CARM1: variants seen among roughly 807,000 people sequenced by gnomAD.
CARM1 encodes histone-arginine methyltransferase CARM1.
Under a neutral mutation model 72.7 loss-of-function variants are expected in CARM1, and 14 were observed. That is an observed-to-expected ratio of 0.19 (90% CI 0.13 to 0.30). CARM1 has a LOEUF of 0.30. CARM1 is among the 10% of genes least tolerant of loss of function. The probability of loss-of-function intolerance (pLI) is 1.00; values close to 1 mark genes in which losing one functional copy is unlikely to be tolerated. For missense variants in CARM1, 432 were observed against 833.7 expected (o/e 0.52, Z 5.93); for synonymous variants, 333 against 345.5 (o/e 0.96, Z 0.40).
In CARM1 at chr19:10,916,950, C is replaced by A. The variant is rs2304088; in HGVS notation, c.1020+173C>A. Among the ~76,000 whole-genome samples, 43,764 of 151,962 alleles carry A rather than the reference C, an allele frequency of 0.29. 6,485 individuals are homozygous for A. Among genetic ancestry groups the A allele is most frequent in the East Asian group, 0.54 (2,802 of 5,178 alleles). Reference sequence around the variant, plus strand: ...GCATGTAGACACTTAGCACACAGCACACATGCAATACATGTGGAACATTAT... The same window carrying A: ...GCATGTAGACACTTAGCACACAGCAAACATGCAATACATGTGGAACATTAT... On this transcript the variant is annotated intron_variant, in intron 8 of 15. Transcript: ENST00000327064. This position sits in a 1 kb window ranked among gnomAD's most constrained non-coding sequence, Gnocchi z 4.4.
chr19:10,914,111 GAGCCA>G (rs1167273751), intron 6 of CARM1, 57 bp downstream of exon 6: 7 of 1,502,774 alleles, frequency 4.7e-6, no homozygotes, highest in Non-Finnish European at 6.3e-6. Flanking sequence ...GGCTGCCGCT[GAGCCA>G]GGCCATCAGT....
At chr19:10,883,756 G>C (rs1054962580) in intron 1 of CARM1, among the ~76,000 whole-genome samples, 3 of 152,164 alleles carry the variant, frequency 2.0e-5, no homozygotes, top group African/African-American at 7.2e-5. Context: ...GGTGGCTCAC[G>C]CCTGTAATCC....
chr19:10,921,473 G>A (rs759159381), intron 15 of CARM1, 30 bp downstream of exon 15: 1 of 1,590,846 alleles, frequency 6.3e-7, no homozygotes, highest in Non-Finnish European at 8.6e-7. Flanking sequence ...CAGGGCCCGT[G>A]GGGGCCGAGC....
intron 1 of CARM1, among the ~76,000 whole-genome samples, chr19:10,882,832 C>A (rs776180786): frequency 6.6e-6 from 1 of 152,072 alleles, no homozygotes; most frequent in African/African-American, 2.4e-5. Context: ...CATGAGCCAC[C>A]GTGCCCGACC....
intron 2 of CARM1, among the ~76,000 whole-genome samples, chr19:10,906,861 CTTTATTTTATTTTAT>C (rs58330229): frequency 0.017 from 1,915 of 114,896 alleles, 48 homozygotes; most frequent in African/African-American, 0.053. Flanking sequence ...ATAAATATAG[CTTTATTTTATTTTAT>C]TTTATTTTAT....
chr19:10,916,790 TC>T lies in CARM1; in HGVS notation c.1020+15del. ...GCAGCCTGTGGTGGTGAGTAGGGCC[TC>T]CAGGGTACTGCTGCAGTGATCACTT... On this transcript the variant is annotated intron_variant, in intron 8 of 15. Coordinates refer to ENST00000327064, the MANE Select transcript of CARM1 (RefSeq NM_199141.2). The surrounding 1 kb of genome is among the most constrained non-coding windows in gnomAD (Gnocchi z 4.4). The T allele has an allele frequency of 6.5e-7, 1 of 1,533,398 alleles. No homozygotes were observed. Among genetic ancestry groups the T allele is most frequent in the Non-Finnish European group, 8.8e-7 (1 of 1,131,334 alleles). 95.0% of individuals were successfully genotyped at this position (1,533,398 alleles called of 1,614,324 possible).
At position 10,915,181 on chromosome 19, in the gene CARM1, G is replaced by C. The variant is rs1007235591; in HGVS notation, c.847+1127G>C. Among the ~76,000 whole-genome samples, 7 of 152,164 alleles carry C rather than the reference G, an allele frequency of 4.6e-5. No individual in the cohort carries two copies. The highest frequency in any genetic ancestry group is 1.3e-4 in the Admixed American group (2 of 15,270). On this transcript the variant is annotated intron_variant, in intron 6 of 15. Transcript: ENST00000327064. This position sits in a 1 kb window ranked among gnomAD's most constrained non-coding sequence, Gnocchi z 4.6. The stretch of plus-strand genomic sequence containing the variant: ...TGGAGGTGGGAGGTGGCGTCCCACA[G>C]CTGTGTCTCATGTCTTGGGTGTGAG...
At chr19:10,887,478 TTGG>T (rs1391026607) in intron 1 of CARM1, among the ~76,000 whole-genome samples, 1 of 152,176 alleles carries the variant, frequency 6.6e-6, no homozygotes, top group Non-Finnish European at 1.5e-5. Flanking sequence ...TCTCTGAGCC[TTGG>T]TGGGGCCAGA....
chr19:10,886,497 C>T (rs1052685199), intron 1 of CARM1, among the ~76,000 whole-genome samples: 1 of 151,640 alleles, frequency 6.6e-6, no homozygotes, highest in African/African-American at 2.4e-5. Flanking sequence ...TGCCCCGCCC[C>T]CTCCCTCATT....
rs959460850 is a variant in CARM1 at position 10,915,906 on chromosome 19, G to A, written c.848-501G>A. On this transcript the variant is annotated intron_variant, in intron 6 of 15. Transcript: ENST00000327064. The surrounding 1 kb of genome is among the most constrained non-coding windows in gnomAD (Gnocchi z 4.6). The stretch of plus-strand genomic sequence containing the variant: ...GGCTGGGTGCCTGTGCCAGAACCTA[G>A]GCAGTCCCTGTGGTGTGGATTTGGC... Among the ~76,000 whole-genome samples the A allele has an allele frequency of 6.6e-6, 1 of 152,194 alleles. No individual in the cohort carries two copies. Among genetic ancestry groups the A allele is most frequent in the Non-Finnish European group, 1.5e-5 (1 of 68,016 alleles).
chr19:10,916,936 CTT>C lies in CARM1; in HGVS notation c.1020+160_1020+161del, dbSNP rs1287832683. Among the ~76,000 whole-genome samples, 1 of 152,124 alleles carries C rather than the reference CTT, an allele frequency of 6.6e-6. No individual in the cohort carries two copies. Among genetic ancestry groups the C allele is most frequent in the African/African-American group, 2.4e-5 (1 of 41,418 alleles). ...CCAAAAGTGTCAATGCATGTAGACACTTAGCACACAGCACACATGCAATACAT... is the reference window on the plus strand; with the variant it reads ...CCAAAAGTGTCAATGCATGTAGACACAGCACACAGCACACATGCAATACAT... On this transcript the variant is annotated intron_variant, in intron 8 of 15. Transcript: ENST00000327064. The surrounding 1 kb of genome is among the most constrained non-coding windows in gnomAD (Gnocchi z 4.4).
rs546341898 is a variant in CARM1 at position 10,896,263 on chromosome 19, C to A, written c.221-8688C>A. Among the ~76,000 whole-genome samples the A allele has an allele frequency of 6.6e-6, 1 of 152,026 alleles. No individual in the cohort carries two copies. The highest frequency in any genetic ancestry group is 1.5e-5 in the Non-Finnish European group (1 of 67,988). ...GGGCTGCCGTGGAGCTGCTTGCTGC[C>A]CCACCCACCATTCTCTAGTGTATTT... On this transcript the variant is annotated intron_variant, in intron 1 of 15. Transcript: ENST00000327064. This position sits in a 1 kb window ranked among gnomAD's most constrained non-coding sequence, Gnocchi z 5.2.
intron 1 of CARM1, among the ~76,000 whole-genome samples, chr19:10,899,846 G>A (rs1462327726): frequency 6.6e-6 from 1 of 151,430 alleles, no homozygotes; most frequent in East Asian, 1.9e-4. Context: ...TCAGCCTCCT[G>A]AGTAGCTGGG....
rs141947759 is a variant in CARM1 at position 10,895,822 on chromosome 19, A to C, written c.221-9129A>C. Among the ~76,000 whole-genome samples, 26 of 152,328 alleles carry C rather than the reference A, an allele frequency of 1.7e-4. No individual in the cohort carries two copies. In the East Asian group the frequency reaches 5.0e-3, roughly 29 times the overall value. The stretch of plus-strand genomic sequence containing the variant: ...TGTGGGGCTGTCAGGTAGGCATTAA[A>C]TAATGAGCTGCCAGGCAGTGAGGGC... On this transcript the variant is annotated intron_variant, in intron 1 of 15. Coordinates refer to ENST00000327064, the MANE Select transcript of CARM1 (RefSeq NM_199141.2).
chr19:10,917,574 ATC>A lies in CARM1; in HGVS notation c.1020+801_1020+802del, dbSNP rs1421083092. Reference sequence around the variant, plus strand: ...AGACTCTTGGACTATCTTGGATACTATCTCTTTAAACACTACGTCTGCCCCAT... The same window carrying A: ...AGACTCTTGGACTATCTTGGATACTATCTTTAAACACTACGTCTGCCCCAT... On this transcript the variant is annotated intron_variant, in intron 8 of 15. Coordinates refer to ENST00000327064, the MANE Select transcript of CARM1 (RefSeq NM_199141.2). Among the ~76,000 whole-genome samples the A allele has an allele frequency of 2.0e-5, 3 of 152,056 alleles. No individual in the cohort carries two copies. The East Asian group carries it at 5.8e-4, about 29-fold the overall frequency.
chr19:10,894,338 G>C (rs933692619), intron 1 of CARM1, among the ~76,000 whole-genome samples: 5 of 152,182 alleles, frequency 3.3e-5, no homozygotes, highest in Admixed American at 6.5e-5. Flanking sequence ...GCTGAGCAGA[G>C]ATGCCAGCTG....
At chr19:10,880,744 G>C (rs1354385162) in intron 1 of CARM1, among the ~76,000 whole-genome samples, 1 of 152,172 alleles carries the variant, frequency 6.6e-6, no homozygotes, top group Admixed American at 6.5e-5. Context: ...TTGCAAAGGG[G>C]TAAAAGGACA....
At chr19:10,885,309 T>C (rs1416365501) in intron 1 of CARM1, among the ~76,000 whole-genome samples, 1 of 152,186 alleles carries the variant, frequency 6.6e-6, no homozygotes, top group Non-Finnish European at 1.5e-5. Flanking sequence ...TTTTTGTCTG[T>C]CTCTTTAAAG....
chr19:10,898,192 A>G (rs1468612786), intron 1 of CARM1, among the ~76,000 whole-genome samples: 5 of 151,904 alleles, frequency 3.3e-5, no homozygotes, highest in African/African-American at 1.2e-4. Flanking sequence ...CTGTAATCCC[A>G]GCTACTCGGG....
Sources: gnomAD v4.1 joint callset for allele counts (sites outside exome capture counted in the v4.1 genomes callset) on GRCh38, gnomAD v4.1.1 for gene constraint, Gnocchi (gnomAD v3.1) non-coding constraint, MANE v1.5 for transcripts, NCBI Gene and HGNC (gene_info 2026-07-23, HGNC 2026-07-21) for gene names.